Variants in PAXBP1 observed in about 807,000 individuals in gnomAD.
PAXBP1 encodes the protein PAX3- and PAX7-binding protein 1.
Under a neutral mutation model 119.9 loss-of-function variants are expected in PAXBP1, and 44 were observed. The ratio of observed to expected loss-of-function variants is 0.37; its 90% CI spans 0.29 to 0.47. The LOEUF is 0.47. PAXBP1 is among the 20% of genes least tolerant of loss of function. PAXBP1 has a pLI of 0.99. For synonymous variants in PAXBP1, 393 were observed against 406.6 expected (o/e 0.97, Z 0.40); for missense variants, 898 against 1,134.1 (o/e 0.79, Z 2.99).
chr21:32,748,886 C>G (rs776065595), intron 10 of PAXBP1, among the ~76,000 whole-genome samples, 188 bp from the exon 11 acceptor site: 5 of 152,130 alleles, frequency 3.3e-5, no homozygotes, highest in Non-Finnish European at 7.4e-5. Flanking sequence ...ATTATGTAAA[C>G]TAAAGTGCAG....
At chr21:32,762,750 C>T (rs1048298877) in intron 3 of PAXBP1, among the ~76,000 whole-genome samples, 1 of 151,534 alleles carries the variant, frequency 6.6e-6, no homozygotes, top group Non-Finnish European at 1.5e-5. Context: ...GAAACCCCAT[C>T]TCTACAAAAA....
intron 13 of PAXBP1, 35 bp downstream of exon 13, chr21:32,744,757 A>G (rs776572383): frequency 2.1e-5 from 8 of 390,202 alleles, no homozygotes; most frequent in Admixed American, 1.2e-4. Flanking sequence ...CAGAAAGAGG[A>G]AAAAAAAAAA....
intron 17 of PAXBP1, among the ~76,000 whole-genome samples, chr21:32,736,234 G>C (rs1601579137): frequency 6.6e-6 from 1 of 152,162 alleles, no homozygotes; most frequent in East Asian, 1.9e-4. Flanking sequence ...CTTTCACCAG[G>C]CTGGAATGCA....
At chr21:32,737,661 T>C (rs2043712070) in intron 16 of PAXBP1, among the ~76,000 whole-genome samples, 1 of 152,200 alleles carries the variant, frequency 6.6e-6, no homozygotes. Flanking sequence ...TTGAGTAAAT[T>C]AGTAACATAA....
At chr21:32,765,832 A>G (rs569430114) in intron 2 of PAXBP1, among the ~76,000 whole-genome samples, 52 of 152,084 alleles carry the variant, frequency 3.4e-4, no homozygotes, top group Non-Finnish European at 5.7e-4. Flanking sequence ...AAAACTACCT[A>G]TTTCCTTTTG....
chr21:32,762,023 G>T, intron 4 of PAXBP1, 73 bp downstream of exon 4: 1 of 1,500,490 alleles, frequency 6.7e-7, no homozygotes. Context: ...CTAAGTGATG[G>T]AATGACACCC....
intron 7 of PAXBP1, 51 bp from the exon 8 acceptor site, chr21:32,755,404 T>C: frequency 6.3e-7 from 1 of 1,589,876 alleles, no homozygotes; most frequent in Non-Finnish European, 8.5e-7. Flanking sequence ...GCTGCTTATT[T>C]ATTTGAGGGT....
At chr21:32,738,595 A>C (rs767258259) in intron 15 of PAXBP1, among the ~76,000 whole-genome samples, 3 of 152,190 alleles carry the variant, frequency 2.0e-5, no homozygotes, top group Admixed American at 6.5e-5. Context: ...AGACAGTACT[A>C]TCAGGGAGTG....
chr21:32,735,441 C>T (rs540496109), intron 17 of PAXBP1, among the ~76,000 whole-genome samples: 2 of 152,304 alleles, frequency 1.3e-5, no homozygotes, highest in East Asian at 1.9e-4. Flanking sequence ...GCTGTTTTAG[C>T]GTATACCTGG....
intron 8 of PAXBP1, among the ~76,000 whole-genome samples, chr21:32,753,937 T>G (rs747842247): frequency 1.3e-5 from 2 of 152,210 alleles, no homozygotes; most frequent in African/African-American, 2.4e-5. Context: ...AATGGTTACC[T>G]GTAATCTGCC....
chr21:32,769,836 T>C lies in PAXBP1; in HGVS notation c.450A>G (p.Thr150=). The change falls in exon 2 of 18, where the codon ACA becomes ACG. Residue 150 remains threonine, a synonymous_variant. Coordinates refer to ENST00000331923, the MANE Select transcript of PAXBP1 (RefSeq NM_016631.4). ...KEDLEKSKIK[T]ELNSSAESEQ... ...TACTTTCAGCTGATGAGTTGAGTTC[T>C]GTCTTAATCTTCGATTTTTCAAGAT... is the stretch of plus-strand genomic sequence containing the variant. 3 of 1,601,910 alleles carry C rather than the reference T, an allele frequency of 1.9e-6. No individual in the cohort carries two copies. The highest frequency in any genetic ancestry group is 2.5e-6 in the Non-Finnish European group (3 of 1,176,898).
chr21:32,764,218 A>G, intron 3 of PAXBP1, 130 bp downstream of exon 3: 1 of 861,160 alleles, frequency 1.2e-6, no homozygotes, highest in Non-Finnish European at 1.7e-6. Context: ...AAATGGAAAA[A>G]CTCCCTCTTC....
At chr21:32,736,380 G>T (rs953275769) in intron 17 of PAXBP1, among the ~76,000 whole-genome samples, 7 of 152,030 alleles carry the variant, frequency 4.6e-5, no homozygotes, top group Admixed American at 3.9e-4. Flanking sequence ...GTAGAAACAG[G>T]GTTTCACCAT....
intron 15 of PAXBP1, chr21:32,742,961 A>C: frequency 3.7e-6 from 2 of 538,140 alleles, no homozygotes; most frequent in Non-Finnish European, 7.4e-6. Context: ...CCATGGATAC[A>C]GGGAGGACTA....
intron 3 of PAXBP1, among the ~76,000 whole-genome samples, chr21:32,763,295 C>T (rs893699519): frequency 1.3e-5 from 2 of 152,276 alleles, no homozygotes; most frequent in South Asian, 2.1e-4. Flanking sequence ...TTCTAACAAA[C>T]CTTTCCCCTC....
At chr21:32,752,481 T>C (rs1403601340) in intron 8 of PAXBP1, among the ~76,000 whole-genome samples, 1 of 152,126 alleles carries the variant, frequency 6.6e-6, no homozygotes, top group Non-Finnish European at 1.5e-5. Flanking sequence ...ACATGCAAGA[T>C]GAAAGACATC....
chr21:32,756,663 AT>A (rs112009392), intron 7 of PAXBP1: 40,540 of 222,080 alleles, frequency 0.18, 2,686 homozygotes, highest in African/African-American at 0.2. Context: ...CCATGCCCTC[AT>A]TTTTTTTTTT....
chr21:32,762,012 C>T lies in PAXBP1; in HGVS notation c.871+84G>A, dbSNP rs1601606073. On this transcript the variant is annotated intron_variant, in intron 4 of 17. Transcript: ENST00000331923. Reference sequence around the variant, plus strand: ...CTATGATTGTACCACTGCACTCTGGCCTAAGTGATGGAATGACACCCTGCC... The same window carrying T: ...CTATGATTGTACCACTGCACTCTGGTCTAAGTGATGGAATGACACCCTGCC... The T allele has an allele frequency of 5.7e-6, 8 of 1,405,922 alleles. No individual in the cohort carries two copies. The East Asian group carries it at 1.6e-4, about 28-fold the overall frequency. 87.1% of individuals were successfully genotyped at this position (1,405,922 alleles called of 1,614,324 possible).
chr21:32,758,644 T>TA (rs138934420), intron 7 of PAXBP1, among the ~76,000 whole-genome samples: 2,888 of 103,988 alleles, frequency 0.028, 52 homozygotes, highest in Middle Eastern at 0.076. Context: ...TCATCCAGGG[T>TA]AAAAAAAAAA....
Sources: gnomAD v4.1 joint callset for allele counts (sites outside exome capture counted in the v4.1 genomes callset) on GRCh38, gnomAD v4.1.1 for gene constraint, MANE v1.5 for transcripts, NCBI Gene and HGNC (gene_info 2026-07-23, HGNC 2026-07-21) for gene names.